Variants in TTF1 observed in about 807,000 individuals in gnomAD.
The protein encoded by TTF1 is transcription termination factor, RNA polymerase I.
In TTF1, 64 loss-of-function variants were observed where a neutral mutation model predicts 80.2. The observed-to-expected ratio is 0.80, with a 90% CI of 0.65 to 0.98. The LOEUF is 0.98. TTF1 is among the 50% of genes least tolerant of loss of function. The pLI, the probability that TTF1 is intolerant of heterozygous loss-of-function variation, is 0.00. For synonymous variants in TTF1, 372 were observed against 382.7 expected, an observed-to-expected ratio of 0.97 and a Z score of 0.33; for missense variants, 1,023 against 1,086.2, an observed-to-expected ratio of 0.94 and a Z score of 0.82.
At chr9:132,377,818 T>A (rs1243622474) in intron 10 of TTF1, among the ~76,000 whole-genome samples, 2 of 135,318 alleles carry the variant, frequency 1.5e-5, no homozygotes, top group Non-Finnish European at 3.1e-5. Flanking sequence ...TGTGAGTGCA[T>A]GTGGTGTGTG....
rs146162091 is a variant in TTF1, at chr9:132,406,091, T to G, written c.-8+699A>C. On this transcript the variant is annotated intron_variant, in intron 1 of 10. Transcript: ENST00000334270. Reference sequence around the variant, plus strand: ...ATCTTGCTCCCAAATGGCTCCCCAGTCAGTGCTCGATACATATTGAGAACG... The same window carrying G: ...ATCTTGCTCCCAAATGGCTCCCCAGGCAGTGCTCGATACATATTGAGAACG... Among the ~76,000 whole-genome samples the G allele has an allele frequency of 3.1e-3, 474 of 152,272 alleles. 2 individuals are homozygous for G. Among genetic ancestry groups the G allele is most frequent in the African/African-American group, 0.011 (460 of 41,554 alleles).
chr9:132,402,459 C>T lies in TTF1; in HGVS notation c.363G>A (p.Lys121=). The T allele has an allele frequency of 6.2e-7, 1 of 1,614,208 alleles. No homozygotes were observed. Among genetic ancestry groups the T allele is most frequent in the Non-Finnish European group, 8.5e-7 (1 of 1,180,040 alleles). ...TATCAACACAAACAACATCAACATC[C>T]TTTCTAAAATGCTTTGGTGTGTTGT... ...NINNTPKHFR[K]DVDVVCVDMS... The change falls in exon 2 of 11, where the codon AAG becomes AAA. Residue 121 remains lysine (K), a synonymous_variant. Coordinates refer to ENST00000334270, the MANE Select transcript of TTF1 (RefSeq NM_007344.4).
chr9:132,405,357 G>T (rs1400928734), intron 1 of TTF1, among the ~76,000 whole-genome samples: 2 of 152,206 alleles, frequency 1.3e-5, no homozygotes, highest in African/African-American at 4.8e-5. Context: ...ACAGGCGCAA[G>T]CCACCAAGCC....
rs1564181065 is a variant in TTF1, at chr9:132,377,430, GGTGTGAGTGCATGCATGTGGT to G, written c.2465-1283_2465-1263del. On this transcript the variant is annotated intron_variant, in intron 10 of 10. Coordinates refer to ENST00000334270, the MANE Select transcript of TTF1 (RefSeq NM_007344.4). ...GTGGTGTGTGTGAGTGCATGCATGT[GGTGTGAGTGCATGCATGTGGT>G]GTGTGTGAGTGCATGTGGTGTGTGT... Among the ~76,000 whole-genome samples, 4 of 81,126 alleles carry G rather than the reference GGTGTGAGTGCATGCATGTGGT, an allele frequency of 4.9e-5. 1 individual carries two copies. The Admixed American group carries it at 5.3e-4, about 11-fold the overall frequency. The allele number at this position is 81,126 out of a possible 152,430, so 53.2% of individuals were successfully genotyped here.
In TTF1 at chr9:132,400,387, G is replaced by A. The variant is rs148607380; in HGVS notation, c.1368-129C>T. The A allele has an allele frequency of 9.6e-4, 686 of 714,894 alleles. 2 individuals carry two copies. In the African/African-American group the frequency reaches 0.011, roughly 11 times the overall value. 44.3% of individuals were successfully genotyped at this position (714,894 alleles called of 1,614,324 possible). A position where few individuals can be genotyped will look rare whatever the true frequency, so the allele number is the denominator to read the frequency against. On this transcript the variant is annotated intron_variant, in intron 2 of 10. Coordinates refer to ENST00000334270, the MANE Select transcript of TTF1 (RefSeq NM_007344.4). ...TCGCCAGGCTGGAGTGCAATGGTGC[G>A]ATCTCAGCTCACTGCAACTTCTGCC...
chr9:132,398,158 G>A lies in TTF1; in HGVS notation c.1760C>T (p.Ser587Leu), dbSNP rs760917542. The A allele has an allele frequency of 3.2e-6, 5 of 1,585,782 alleles. No individual in the cohort carries two copies. The highest frequency in any genetic ancestry group is 4.3e-6 in the Non-Finnish European group (5 of 1,171,656). The change falls in exon 4 of 11, where the codon TCG becomes TTG. Residue 587 changes from serine to leucine, a missense_variant. Physicochemically the swap from Ser to Leu is moderately radical, Grantham distance 145. Coordinates refer to ENST00000334270, the MANE Select transcript of TTF1 (RefSeq NM_007344.4). ...SVITNLKRRY[S>L]FRLHIGRNIA... ...AAACTTACCAATGTGTAATCTAAACGAGTATCTCCTTTTTAAGTTGGTGAT... is the reference window on the plus strand; with the variant it reads ...AAACTTACCAATGTGTAATCTAAACAAGTATCTCCTTTTTAAGTTGGTGAT...
At position 132,388,087 on chromosome 9, in the gene TTF1, C is replaced by A. The variant is rs945738355; in HGVS notation, c.2312+52G>T. ...AGACTCTGCTGGGTTAACAACTTCTCTTTGGCTAGAGACAGAAACAGTTAA... is the reference window on the plus strand; with the variant it reads ...AGACTCTGCTGGGTTAACAACTTCTATTTGGCTAGAGACAGAAACAGTTAA... On this transcript the variant is annotated intron_variant, in intron 8 of 10. Transcript: ENST00000334270. 4 of 1,449,754 alleles carry A rather than the reference C, an allele frequency of 2.8e-6. No homozygotes were observed. The African/African-American group carries it at 5.6e-5, about 20-fold the overall frequency. 89.8% of individuals were successfully genotyped at this position (1,449,754 alleles called of 1,614,324 possible). A position where few individuals can be genotyped will look rare whatever the true frequency, so the allele number is the denominator to read the frequency against.
chr9:132,405,230 A>G (rs11243765), intron 1 of TTF1, among the ~76,000 whole-genome samples: 1 of 150,866 alleles, frequency 6.6e-6, no homozygotes, highest in Non-Finnish European at 1.5e-5. Context: ...TTGGAGACAG[A>G]ATCTCGTTCT....
chr9:132,405,961 G>A (rs1199866934), intron 1 of TTF1, among the ~76,000 whole-genome samples: 1 of 152,130 alleles, frequency 6.6e-6, no homozygotes, highest in African/African-American at 2.4e-5. Context: ...CTCCTTAGCC[G>A]GTCTCATCTT....
At position 132,398,133 on chromosome 9, in the gene TTF1, A is replaced by C; in HGVS notation, c.1777+8T>G. The C allele has an allele frequency of 6.4e-7, 1 of 1,570,044 alleles. No homozygotes were observed. Among genetic ancestry groups the C allele is most frequent in the Non-Finnish European group, 8.6e-7 (1 of 1,164,364 alleles). On this transcript the variant is annotated splice_region_variant and intron_variant, in intron 4 of 10. Transcript: ENST00000334270. ...GGATGGTCAAAGGGTGATTGTTTCTAAACTTACCAATGTGTAATCTAAACG... is the reference window on the plus strand; with the variant it reads ...GGATGGTCAAAGGGTGATTGTTTCTCAACTTACCAATGTGTAATCTAAACG...
chr9:132,385,408 G>A (rs995496680), intron 9 of TTF1, among the ~76,000 whole-genome samples: 1 of 152,238 alleles, frequency 6.6e-6, no homozygotes, highest in Non-Finnish European at 1.5e-5. Flanking sequence ...TCTGGAGCGT[G>A]TGCTGAGTTG....
rs553317843 is a variant in TTF1 at position 132,392,191 on chromosome 9, A to G, written c.1872T>C (p.Asp624=). 2.5e-6 allele frequency: 4 copies of G among 1,614,166 alleles called. No individual in the cohort carries two copies. In the South Asian group the frequency reaches 4.4e-5, roughly 18 times the overall value. ...NNYKGRYSEG[D]TEKLKMYHSL... is the part of the protein sequence containing the mutation. ...AATGGTACATCTTTAACTTCTCAGT[A>G]TCTCCTTCGCTATACCTAGGAGAAA... The change falls in exon 6 of 11, where the codon GAT becomes GAC. Residue 624 remains aspartate (D), a synonymous_variant. Transcript: ENST00000334270.
chr9:132,392,201 C>G lies in TTF1; in HGVS notation c.1862G>C (p.Ser621Thr). ...CTTTAACTTCTCAGTATCTCCTTCG[C>G]TATACCTAGGAGAAAGGGAAAATGT... The part of the protein sequence containing the change: ...FDVNNYKGRY[S>T]EGDTEKLKMY... The change falls in exon 6 of 11, where the codon AGC (serine) becomes ACC (threonine). Residue 621 changes from serine to threonine, a missense_variant. Ser to Thr is a moderately conservative substitution (Grantham distance 58). Transcript: ENST00000334270. 6.2e-7 allele frequency: 1 copy of G among 1,614,122 alleles called. No homozygotes were observed. The highest frequency in any genetic ancestry group is 8.5e-7 in the Non-Finnish European group (1 of 1,180,000).
At chr9:132,394,224 C>T (rs1451365479) in intron 5 of TTF1, among the ~76,000 whole-genome samples, 2 of 151,486 alleles carry the variant, frequency 1.3e-5, no homozygotes, top group Non-Finnish European at 2.9e-5. Flanking sequence ...AACATCGGAG[C>T]ATTTTCAGAC....
In TTF1 at chr9:132,398,027, AT is replaced by A. The variant is rs1277638115; in HGVS notation, c.1777+113del. ...ATATCATCAGCCATCACAGCAGTTA[AT>A]GTGCGCCGCCTGCAGGCAATGGGCC... On this transcript the variant is annotated intron_variant, in intron 4 of 10. Transcript: ENST00000334270. 3 of 788,566 alleles carry A rather than the reference AT, an allele frequency of 3.8e-6. No individual in the cohort carries two copies. The East Asian group carries it at 9.0e-5, about 24-fold the overall frequency. 48.8% of individuals were successfully genotyped at this position (788,566 alleles called of 1,614,324 possible). A position where few individuals can be genotyped will look rare whatever the true frequency, so the allele number is the denominator to read the frequency against.
At chr9:132,394,608 G>A (rs1849614183) in intron 5 of TTF1, among the ~76,000 whole-genome samples, 1 of 152,054 alleles carries the variant, frequency 6.6e-6, no homozygotes, top group Non-Finnish European at 1.5e-5. Context: ...AATCATGGCT[G>A]TAAGCCAGGT....
intron 1 of TTF1, among the ~76,000 whole-genome samples, chr9:132,406,308 G>A (rs986708475): frequency 5.9e-5 from 9 of 151,956 alleles, no homozygotes; most frequent in South Asian, 2.1e-4. Context: ...CACTCCCAAA[G>A]ACCCAAGCCG....
intron 7 of TTF1, 55 bp from the exon 8 acceptor site, chr9:132,388,283 A>G: frequency 7.7e-7 from 1 of 1,293,442 alleles, no homozygotes; most frequent in Non-Finnish European, 1.1e-6. Flanking sequence ...GTTTTCATTA[A>G]AATATCCTAT....
intron 9 of TTF1, among the ~76,000 whole-genome samples, chr9:132,382,422 A>C (rs1849384649): frequency 6.6e-6 from 1 of 152,218 alleles, no homozygotes; most frequent in South Asian, 2.1e-4. Flanking sequence ...AATAAAAAAA[A>C]GTCAAAACGA....
Sources: allele counts gnomAD v4.1 joint callset (sites outside exome capture counted in the v4.1 genomes callset), GRCh38; gene constraint gnomAD v4.1.1; transcripts MANE v1.5; gene names NCBI Gene and HGNC (gene_info 2026-07-23, HGNC 2026-07-21).